Variants in DIS3L2 observed in about 807,000 individuals in gnomAD.
The protein encoded by DIS3L2 is DIS3 like 3'-5' exoribonuclease 2.
DIS3L2 carries 34 observed loss-of-function variants against 97.5 expected under a neutral mutation model. That is an observed-to-expected ratio of 0.35 (90% confidence interval 0.27 to 0.46). The LOEUF (loss-of-function observed/expected upper bound fraction) is 0.46, where lower values mean the gene tolerates loss of function less well. Ranked by LOEUF, DIS3L2 falls within the 20% of genes least tolerant of loss-of-function variation. The pLI, the probability that DIS3L2 is intolerant of heterozygous loss-of-function variation, is 1.00. For synonymous variants in DIS3L2, 435 were observed against 445.2 expected, an observed-to-expected ratio of 0.98 and a Z score of 0.29; for missense variants, 1,038 against 1,146.0, an observed-to-expected ratio of 0.91 and a Z score of 1.36.
At chr2:232,304,442 A>G (rs965966435) in intron 14 of DIS3L2, among the ~76,000 whole-genome samples, 3 of 152,236 alleles carry the variant, frequency 2.0e-5, no homozygotes, top group African/African-American at 7.2e-5. Context: ...AGCGCACTCC[A>G]GCACCCTGTG....
At chr2:232,235,934 TTGGAGTCATGC>T (rs1692920256) in intron 10 of DIS3L2, among the ~76,000 whole-genome samples, 1 of 152,212 alleles carries the variant, frequency 6.6e-6, no homozygotes. Context: ...GCAGCTAAGC[TTGGAGTCATGC>T]TGGTTCCTCT....
chr2:232,188,650 T>TA (rs1226454806), intron 9 of DIS3L2, among the ~76,000 whole-genome samples: 1 of 152,212 alleles, frequency 6.6e-6, no homozygotes, highest in Non-Finnish European at 1.5e-5. Context: ...GAAGAGTACT[T>TA]ACAGGATGTA....
At chr2:232,092,609 C>A (rs1427104148) in intron 6 of DIS3L2, among the ~76,000 whole-genome samples, 2 of 151,940 alleles carry the variant, frequency 1.3e-5, no homozygotes, top group Non-Finnish European at 2.9e-5. Flanking sequence ...TTGTATAGAT[C>A]TTTTACTTCT....
chr2:232,132,545 C>A (rs1698250259), intron 7 of DIS3L2, among the ~76,000 whole-genome samples: 1 of 152,176 alleles, frequency 6.6e-6, no homozygotes, highest in Non-Finnish European at 1.5e-5. Flanking sequence ...AGGGACCTCA[C>A]AACCCCCACC....
intron 6 of DIS3L2, among the ~76,000 whole-genome samples, chr2:232,121,707 G>A (rs1023203641): frequency 9.9e-5 from 15 of 152,082 alleles, no homozygotes; most frequent in Non-Finnish European, 1.9e-4. Context: ...CAGAGGCTCC[G>A]AGTCTGTAGG....
rs539898265 is a variant in DIS3L2, at chr2:232,073,900, C to T, written c.367-13587C>T. On this transcript the variant is annotated intron_variant, in intron 5 of 20. Coordinates refer to ENST00000325385, the MANE Select transcript of DIS3L2 (RefSeq NM_152383.5). The stretch of plus-strand genomic sequence containing the variant: ...GATCTAACTTACTACACAGCGTAGA[C>T]GAGATTTCCAGCTTTCTGAGTGACA... 8.5e-5 allele frequency among the ~76,000 whole-genome samples: 13 copies of T among 152,300 alleles called. No individual in the cohort carries two copies. In the South Asian group the frequency reaches 1.4e-3, roughly 17 times the overall value.
At chr2:231,983,151 C>A (rs1329416410) in intron 1 of DIS3L2, among the ~76,000 whole-genome samples, 2 of 152,204 alleles carry the variant, frequency 1.3e-5, no homozygotes, top group African/African-American at 4.8e-5. Context: ...TTGAGATCAT[C>A]AGAGAGGAGT....
chr2:232,230,731 A>G (rs1195916710), intron 10 of DIS3L2, among the ~76,000 whole-genome samples: 1 of 152,180 alleles, frequency 6.6e-6, no homozygotes, highest in Non-Finnish European at 1.5e-5. Context: ...TGGTACATTC[A>G]AGTTACCTTT....
intron 11 of DIS3L2, among the ~76,000 whole-genome samples, chr2:232,247,929 G>A (rs1304979591): frequency 1.3e-5 from 2 of 152,216 alleles, no homozygotes; most frequent in Non-Finnish European, 2.9e-5. Context: ...GTAGTTGTCT[G>A]TAAAAGCTGT....
At position 232,330,824 on chromosome 2, in the gene DIS3L2, G is replaced by A. The variant is rs551096405; in HGVS notation, c.2010+48G>A. ...CTCCCCTGCTCCCAGGAGCACACTAGCCCCAGACCTGTGACCTCCACGTGC... is the reference window on the plus strand; with the variant it reads ...CTCCCCTGCTCCCAGGAGCACACTAACCCCAGACCTGTGACCTCCACGTGC... On this transcript the variant is annotated intron_variant, in intron 16 of 20. Transcript: ENST00000325385. 10 of 1,571,528 alleles carry A rather than the reference G, an allele frequency of 6.4e-6. No homozygotes were observed. The East Asian group carries it at 1.3e-4, about 21-fold the overall frequency.
At position 232,334,476 on chromosome 2, in the gene DIS3L2, C is replaced by G. The variant is rs1226765433; in HGVS notation, c.2266C>G (p.Leu756Val). The change falls in exon 18 of 21, where the codon CTC becomes GTC. Residue 756 changes from leucine (L) to valine (V), a missense_variant. Leu to Val is a conservative substitution (Grantham distance 32). Transcript: ENST00000325385. ...GCGCGTGCAGGAGCTCAGTACCAGT[C>G]TCTTCTTTGCTGTTCTGGTCAAGGT... The part of the protein sequence containing the change: ...SKRVQELSTS[L>V]FFAVLVKESG... 6.2e-7 allele frequency: 1 copy of G among 1,613,922 alleles called. No individual in the cohort carries two copies. Among genetic ancestry groups the G allele is most frequent in the Non-Finnish European group, 8.5e-7 (1 of 1,180,002 alleles).
intron 8 of DIS3L2, among the ~76,000 whole-genome samples, chr2:232,137,916 C>T (rs1698403173): frequency 1.3e-5 from 2 of 152,200 alleles, no homozygotes; most frequent in African/African-American, 4.8e-5. Context: ...ACAAGCTTGC[C>T]CGTTTCTCAC....
Position 232,281,221 on chromosome 2 carries a change from A to C in DIS3L2, c.1659+17781A>C, listed in dbSNP as rs1694276744. The stretch of plus-strand genomic sequence containing the variant: ...GAGACCATCCTGGCTAACATGGTGA[A>C]ACCCCATCTCTACTAAAAATACAAA... On this transcript the variant is annotated intron_variant, in intron 13 of 20. Coordinates refer to ENST00000325385, the MANE Select transcript of DIS3L2 (RefSeq NM_152383.5). The surrounding 1 kb of genome is among the most constrained non-coding windows in gnomAD (Gnocchi z 4.1). Among the ~76,000 whole-genome samples, 1 of 152,146 alleles carries C rather than the reference A, an allele frequency of 6.6e-6. No individual in the cohort carries two copies. The highest frequency in any genetic ancestry group is 2.1e-4 in the South Asian group (1 of 4,822).
At chr2:232,329,785 T>TCCCCGGCCCCCCC in intron 14 of DIS3L2, 28 bp from the exon 15 acceptor site, 1 of 967,140 alleles carries the variant, frequency 1.0e-6, no homozygotes, top group Non-Finnish European at 1.5e-6. Flanking sequence ...ACCCCAGCGG[T>TCCCCGGCCCCCCC]CCCTCCCATC....
chr2:232,032,154 T>C (rs1295535305), intron 5 of DIS3L2, among the ~76,000 whole-genome samples: 1 of 152,174 alleles, frequency 6.6e-6, no homozygotes, highest in African/African-American at 2.4e-5. Context: ...TATTTCTCCA[T>C]ATCCTCTCCA....
intron 16 of DIS3L2, among the ~76,000 whole-genome samples, chr2:232,332,903 G>A (rs908359576): frequency 6.6e-6 from 1 of 152,120 alleles, no homozygotes; most frequent in Non-Finnish European, 1.5e-5. Flanking sequence ...GAAGCTCCAA[G>A]AGCCTGAGGC....
intron 9 of DIS3L2, among the ~76,000 whole-genome samples, chr2:232,203,787 G>T (rs1032027189): frequency 6.6e-6 from 1 of 152,296 alleles, no homozygotes; most frequent in South Asian, 2.1e-4. Context: ...ATTCTTTGGG[G>T]CTGTGAGGGT....
intron 4 of DIS3L2, among the ~76,000 whole-genome samples, chr2:232,024,792 C>T (rs1208838176): frequency 6.6e-5 from 10 of 151,712 alleles, no homozygotes; most frequent in Admixed American, 2.6e-4. Context: ...ACTTCACTTT[C>T]GTGCAGGTGA....
chr2:232,057,598 G>A (rs1335052393), intron 5 of DIS3L2, among the ~76,000 whole-genome samples: 1 of 152,050 alleles, frequency 6.6e-6, no homozygotes, highest in Admixed American at 6.6e-5. Context: ...AAATTTTGCC[G>A]ACAGCCACCC....
Sources: allele counts gnomAD v4.1 joint callset (sites outside exome capture counted in the v4.1 genomes callset), GRCh38; gene constraint gnomAD v4.1.1; non-coding constraint Gnocchi (gnomAD v3.1); transcripts MANE v1.5; gene names NCBI Gene and HGNC (gene_info 2026-07-23, HGNC 2026-07-21).